The following NLGN1 variants were observed in gnomAD, a reference collection of about 807,000 sequenced individuals.
NLGN1 encodes the protein neuroligin 1.
A neutral mutation model predicts 65.5 loss-of-function variants in NLGN1; 12 were observed. The observed-to-expected ratio is 0.18, with a 90% CI of 0.12 to 0.30. The LOEUF is 0.30. Among genes scored for constraint, NLGN1 ranks in the 10% least tolerant of loss-of-function variants. The probability of loss-of-function intolerance (pLI) is 1.00; values close to 1 mark genes in which losing one functional copy is unlikely to be tolerated. For synonymous variants in NLGN1, 350 were observed against 359.5 expected (o/e 0.97, Z 0.30); for missense variants, 750 against 1,007.1 (o/e 0.74, Z 3.46).
intron 2 of NLGN1, among the ~76,000 whole-genome samples, chr3:173,437,651 T>C (rs1718380758): frequency 6.6e-6 from 1 of 152,156 alleles, no homozygotes; most frequent in South Asian, 2.1e-4. Context: ...TGATTTTCTT[T>C]AAATCTTGCC....
intron 2 of NLGN1, among the ~76,000 whole-genome samples, chr3:173,474,185 CT>C (rs1725797582): frequency 6.6e-6 from 1 of 152,002 alleles, no homozygotes; most frequent in Non-Finnish European, 1.5e-5. Flanking sequence ...CTTGCTCCTT[CT>C]CCTTCTTCTT....
chr3:174,284,360 A>C (rs970348893), exon 7 of NLGN1: 1 of 151,420 alleles, frequency 6.6e-6, no homozygotes, highest in African/African-American at 2.4e-5. Context: ...CAAGAAAAAT[A>C]AATACTGTTA....
At chr3:174,042,160 C>T (rs1732469274) in intron 4 of NLGN1, among the ~76,000 whole-genome samples, 1 of 152,114 alleles carries the variant, frequency 6.6e-6, no homozygotes, top group Non-Finnish European at 1.5e-5. Context: ...AGATATTTCT[C>T]CCTACTCTGT....
At chr3:173,542,951 A>G (rs559590616) in intron 2 of NLGN1, among the ~76,000 whole-genome samples, 48 of 151,952 alleles carry the variant, frequency 3.2e-4, no homozygotes, top group African/African-American at 1.1e-3. Flanking sequence ...TTACTTTCCT[A>G]CCCCATCATG....
chr3:173,420,023 C>T (rs531520006), intron 1 of NLGN1, among the ~76,000 whole-genome samples: 5 of 146,996 alleles, frequency 3.4e-5, no homozygotes, highest in African/African-American at 8.0e-5. Flanking sequence ...AATAGTGACC[C>T]CTGACCTTTT....
chr3:173,841,398 T>G (rs1412446857), intron 4 of NLGN1, among the ~76,000 whole-genome samples: 1 of 152,206 alleles, frequency 6.6e-6, no homozygotes, highest in African/African-American at 2.4e-5. Context: ...GAGGACTGTC[T>G]TGGCATTCAT....
At chr3:173,810,634 G>A (rs976034426) in intron 4 of NLGN1, among the ~76,000 whole-genome samples, 4 of 152,082 alleles carry the variant, frequency 2.6e-5, no homozygotes, top group Admixed American at 1.3e-4. Flanking sequence ...TTTGTTTTTT[G>A]CTCTTTGATT....
intron 3 of NLGN1, among the ~76,000 whole-genome samples, chr3:173,754,392 T>A (rs2150173431): frequency 6.6e-6 from 1 of 152,258 alleles, no homozygotes; most frequent in East Asian, 1.9e-4. Context: ...TCTCTAACTG[T>A]ACTACATGAA....
Position 173,469,641 on chromosome 3 carries a change from A to C in NLGN1, c.-321+34563A>C, listed in dbSNP as rs1724991524. ...TTGGCATATGCACTTTTAAAAACTAAAAAAAAAAAAAATGCATTCACAATG... is the reference window on the plus strand; with the variant it reads ...TTGGCATATGCACTTTTAAAAACTACAAAAAAAAAAAATGCATTCACAATG... On this transcript the variant is annotated intron_variant, in intron 2 of 6. Coordinates refer to ENST00000457714, the Ensembl canonical transcript of NLGN1. 2.0e-5 allele frequency among the ~76,000 whole-genome samples: 3 copies of C among 146,532 alleles called. No individual in the cohort carries two copies. In the Admixed American group the frequency reaches 2.1e-4, roughly 10 times the overall value.
chr3:174,139,897 G>A (rs1721985960), intron 4 of NLGN1, among the ~76,000 whole-genome samples: 1 of 152,124 alleles, frequency 6.6e-6, no homozygotes, highest in South Asian at 2.1e-4. Context: ...ATCTTCTTTA[G>A]TGAGGTGTCT....
intron 3 of NLGN1, among the ~76,000 whole-genome samples, chr3:173,776,650 T>A (rs1302189542): frequency 6.6e-6 from 1 of 151,994 alleles, no homozygotes; most frequent in Non-Finnish European, 1.5e-5. Flanking sequence ...TACTTCCTGA[T>A]GTAAATTGGG....
At chr3:173,502,269 A>G (rs920971259) in intron 2 of NLGN1, among the ~76,000 whole-genome samples, 45 of 152,116 alleles carry the variant, frequency 3.0e-4, no homozygotes, top group African/African-American at 1.1e-3. Context: ...CAATTTTCCT[A>G]GAGACTTAGT....
chr3:173,672,443 C>T (rs981670937), intron 3 of NLGN1, among the ~76,000 whole-genome samples: 12 of 152,122 alleles, frequency 7.9e-5, no homozygotes, highest in African/African-American at 2.7e-4. Flanking sequence ...TGTTCTGACA[C>T]CTGATGATAT....
chr3:173,439,507 G>T (rs1718756449), intron 2 of NLGN1, among the ~76,000 whole-genome samples: 1 of 146,998 alleles, frequency 6.8e-6, no homozygotes, highest in African/African-American at 2.6e-5. Context: ...ATTTCTTATT[G>T]TTAAAAGGAC....
chr3:173,597,836 A>G (rs1449619666), intron 2 of NLGN1, among the ~76,000 whole-genome samples: 1 of 152,080 alleles, frequency 6.6e-6, no homozygotes, highest in Admixed American at 6.6e-5. Flanking sequence ...TTATTCACTA[A>G]TATCTCAAGG....
intron 4 of NLGN1, among the ~76,000 whole-genome samples, chr3:173,810,783 T>C (rs1244271441): frequency 3.9e-5 from 6 of 152,270 alleles, no homozygotes; most frequent in African/African-American, 1.4e-4. Context: ...AAGAAAAAAA[T>C]ACCTCTACCA....
chr3:173,730,879 T>C (rs1772722849), intron 3 of NLGN1, among the ~76,000 whole-genome samples: 2 of 152,136 alleles, frequency 1.3e-5, no homozygotes, highest in Admixed American at 1.3e-4. Flanking sequence ...CTCTGATATA[T>C]TCTCTTTGAA....
chr3:173,461,463 A>G (rs1723380268), intron 2 of NLGN1, among the ~76,000 whole-genome samples: 1 of 152,116 alleles, frequency 6.6e-6, no homozygotes, highest in Non-Finnish European at 1.5e-5. Context: ...TGACCATTAT[A>G]TAGACATGGA....
At chr3:173,967,674 T>C (rs1715189730) in intron 4 of NLGN1, among the ~76,000 whole-genome samples, 1 of 152,190 alleles carries the variant, frequency 6.6e-6, no homozygotes, top group Non-Finnish European at 1.5e-5. Flanking sequence ...ACTATGATTC[T>C]CAATCCTTCT....
Sources: allele counts gnomAD v4.1 joint callset (sites outside exome capture counted in the v4.1 genomes callset), GRCh38; gene constraint gnomAD v4.1.1; transcripts MANE v1.5; gene names NCBI Gene and HGNC (gene_info 2026-07-23, HGNC 2026-07-21).